SCUBE1: variants seen among roughly 807,000 people sequenced by gnomAD.
The protein encoded by SCUBE1 is signal peptide, CUB and EGF-like domain-containing protein 1.
A neutral mutation model predicts 124.4 loss-of-function variants in SCUBE1; 59 were observed. The observed-to-expected ratio is 0.47, with a 90% CI of 0.38 to 0.59. The LOEUF is 0.59. SCUBE1 is among the 20% of genes least tolerant of loss of function. The probability of loss-of-function intolerance (pLI) is 0.00; values close to 1 mark genes in which losing one functional copy is unlikely to be tolerated. For missense variants in SCUBE1, 1,150 were observed against 1,371.2 expected (o/e 0.84, Z 2.55); for synonymous variants, 545 against 550.9 (o/e 0.99, Z 0.15).
intron 3 of SCUBE1, among the ~76,000 whole-genome samples, chr22:43,297,673 G>T (rs1436529455): frequency 6.6e-6 from 1 of 152,256 alleles, no homozygotes; most frequent in African/African-American, 2.4e-5. Flanking sequence ...TCCCCGGGAG[G>T]TGTGCTTCTT....
chr22:43,297,046 G>C (rs894752939), intron 3 of SCUBE1, among the ~76,000 whole-genome samples: 3 of 152,258 alleles, frequency 2.0e-5, no homozygotes, highest in African/African-American at 7.2e-5. Context: ...GAGCACAAAA[G>C]AGGGGCCTCA....
At chr22:43,335,790 G>GTGATGATGA (rs1289409923) in intron 2 of SCUBE1, among the ~76,000 whole-genome samples, 1 of 144,802 alleles carries the variant, frequency 6.9e-6, no homozygotes, top group African/African-American at 2.5e-5. Context: ...GATGGTGATG[G>GTGATGATGA]TGATGATGAT....
intron 4 of SCUBE1, among the ~76,000 whole-genome samples, chr22:43,285,130 G>A (rs1925086434): frequency 1.3e-5 from 2 of 152,146 alleles, no homozygotes; most frequent in South Asian, 4.1e-4. Context: ...GGCTTTCTGT[G>A]CACGTGGCCT....
Position 43,212,435 on chromosome 22 carries a change from G to C in SCUBE1, c.2211C>G (p.Cys737Trp). Reference protein sequence around the residue: ...KHEGTTSFQDCEAKVHCSPGH... With the variant: ...KHEGTTSFQDWEAKVHCSPGH... ...GGAGGGCATGCTCACCTTTAGCCTC[G>C]CAGTCCTGGAAGGAGGTGGTGCCTT... Residue 737 changes from cysteine to tryptophan, a missense_variant, in exon 17 of 22, where the codon TGC becomes TGG. By Grantham distance (215) the Cys-to-Trp change is radical. Coordinates refer to ENST00000360835, the MANE Select transcript of SCUBE1 (RefSeq NM_173050.5). 6.4e-7 allele frequency: 1 copy of C among 1,551,310 alleles called. No individual in the cohort carries two copies.
intron 10 of SCUBE1, among the ~76,000 whole-genome samples, chr22:43,225,376 C>G (rs1038686652): frequency 6.6e-6 from 1 of 152,140 alleles, no homozygotes; most frequent in South Asian, 2.1e-4. Flanking sequence ...TTCAGGATAT[C>G]GCTGGATAGT....
intron 2 of SCUBE1, among the ~76,000 whole-genome samples, chr22:43,321,095 G>T (rs1474226635): frequency 6.6e-6 from 1 of 152,224 alleles, no homozygotes; most frequent in Admixed American, 6.5e-5. Flanking sequence ...CCCCCACAGG[G>T]GAACTGGAAC....
At chr22:43,243,260 G>A (rs76574953) in intron 6 of SCUBE1, among the ~76,000 whole-genome samples, 2 of 152,208 alleles carry the variant, frequency 1.3e-5, no homozygotes, top group Non-Finnish European at 1.5e-5. Context: ...GTCTGCACCC[G>A]CTGGTGCCCT....
At chr22:43,292,017 C>T (rs1466810693) in intron 3 of SCUBE1, among the ~76,000 whole-genome samples, 1 of 152,116 alleles carries the variant, frequency 6.6e-6, no homozygotes, top group African/African-American at 2.4e-5. Flanking sequence ...GACACAGCAG[C>T]CTGCAGCAGC....
At chr22:43,261,650 G>T in intron 5 of SCUBE1, among the ~76,000 whole-genome samples, 1 of 152,160 alleles carries the variant, frequency 6.6e-6, no homozygotes, top group East Asian at 1.9e-4. Flanking sequence ...ATGACAGCGG[G>T]GCAGCCTCAG....
intron 3 of SCUBE1, among the ~76,000 whole-genome samples, chr22:43,309,699 G>A (rs1000411690): frequency 6.6e-6 from 1 of 151,852 alleles, no homozygotes; most frequent in African/African-American, 2.4e-5. Context: ...CTGTACCTCC[G>A]TGTCCACCCC....
chr22:43,238,374 A>C, intron 7 of SCUBE1: 1 of 308,878 alleles, frequency 3.2e-6, no homozygotes. Flanking sequence ...TGGCATGAGT[A>C]GACCTGTGTG....
chr22:43,266,156 A>G (rs1238241324), intron 4 of SCUBE1, among the ~76,000 whole-genome samples: 5 of 152,124 alleles, frequency 3.3e-5, no homozygotes, highest in Admixed American at 3.3e-4. Context: ...ATTAAAAGCT[A>G]TATTTTCCAG....
At chr22:43,302,141 C>G (rs953206708) in intron 3 of SCUBE1, among the ~76,000 whole-genome samples, 2 of 152,196 alleles carry the variant, frequency 1.3e-5, no homozygotes, top group Admixed American at 1.3e-4. Flanking sequence ...TAGCCTTGCC[C>G]GAGAGTGGGG....
chr22:43,305,922 G>A (rs1257828009), intron 3 of SCUBE1, among the ~76,000 whole-genome samples: 1 of 152,236 alleles, frequency 6.6e-6, no homozygotes, highest in Non-Finnish European at 1.5e-5. Context: ...GTCTCTGCCA[G>A]CAGTCTATTT....
At chr22:43,219,501 A>T (rs551519581) in intron 14 of SCUBE1, among the ~76,000 whole-genome samples, 1 of 132,172 alleles carries the variant, frequency 7.6e-6, no homozygotes, top group African/African-American at 3.1e-5. Flanking sequence ...TTTGAGATAG[A>T]GTCTCACTCG....
At chr22:43,259,970 CGGCCAGGAA>C (rs2146708962) in intron 5 of SCUBE1, among the ~76,000 whole-genome samples, 1 of 152,332 alleles carries the variant, frequency 6.6e-6, no homozygotes, top group East Asian at 1.9e-4. Flanking sequence ...CTCACCTCAA[CGGCCAGGAA>C]GGAACCCAGG....
At chr22:43,309,009 G>A (rs1312625511) in intron 3 of SCUBE1, among the ~76,000 whole-genome samples, 1 of 152,252 alleles carries the variant, frequency 6.6e-6, no homozygotes, top group African/African-American at 2.4e-5. Flanking sequence ...CAAGAGGCTG[G>A]GAGAGCATTT....
intron 3 of SCUBE1, among the ~76,000 whole-genome samples, chr22:43,313,148 C>T (rs1171843930): frequency 6.6e-6 from 1 of 152,192 alleles, no homozygotes; most frequent in Non-Finnish European, 1.5e-5. Context: ...GGAGGCTCAA[C>T]CAAAGCTCCC....
chr22:43,251,201 C>G (rs867311539), intron 6 of SCUBE1, among the ~76,000 whole-genome samples: 2 of 152,304 alleles, frequency 1.3e-5, no homozygotes, highest in African/African-American at 4.8e-5. Flanking sequence ...GTGCCCACAG[C>G]TGGGGCAGCC....
Sources: allele counts gnomAD v4.1 joint callset (sites outside exome capture counted in the v4.1 genomes callset), GRCh38; gene constraint gnomAD v4.1.1; transcripts MANE v1.5; gene names NCBI Gene and HGNC (gene_info 2026-07-23, HGNC 2026-07-21).